SETDB1: variants seen among roughly 807,000 people sequenced by gnomAD.
SETDB1 encodes the protein histone-lysine N-methyltransferase SETDB1.
SETDB1 carries 31 observed loss-of-function variants against 137.4 expected under a neutral mutation model. That is an observed-to-expected ratio of 0.23 (90% CI 0.17 to 0.30). The LOEUF is 0.30. Ranked by LOEUF, SETDB1 falls within the 10% of genes least tolerant of loss-of-function variation. The pLI is 1.00. For synonymous variants in SETDB1, 548 were observed against 579.9 expected, an observed-to-expected ratio of 0.95 and a Z score of 0.79; for missense variants, 1,113 against 1,631.5, an observed-to-expected ratio of 0.68 and a Z score of 5.47.
Position 150,960,971 on chromosome 1 carries a change from C to A in SETDB1, c.2912C>A (p.Pro971Gln). Residue 971 changes from proline (P) to glutamine (Q), a missense_variant, in exon 16 of 22, where the codon CCA (proline) becomes CAA (glutamine). Pro to Gln is a moderately conservative substitution (Grantham distance 76). Around this residue, in one of 11 missense-constraint regions of SETDB1, gnomAD observed 373 missense variants for 412.7 expected, o/e 0.90. Coordinates refer to ENST00000692827, the MANE Select transcript of SETDB1 (RefSeq NM_001366418.1). The part of the protein sequence containing the change: ...PPSIPVGGCN[P>Q]PSSEETPKNK... Reference sequence around the variant, plus strand: ...TCAATCCCTGTAGGTGGCTGCAATCCACCTTCCTCCGAAGAGACACCCAAG... The same window carrying A: ...TCAATCCCTGTAGGTGGCTGCAATCAACCTTCCTCCGAAGAGACACCCAAG... The A allele has an allele frequency of 6.2e-7, 1 of 1,613,968 alleles. No homozygotes were observed. The highest frequency in any genetic ancestry group is 1.1e-5 in the South Asian group (1 of 91,072).
chr1:150,933,854 G>C (rs1358355307), intron 3 of SETDB1, among the ~76,000 whole-genome samples: 1 of 128,532 alleles, frequency 7.8e-6, no homozygotes, highest in Non-Finnish European at 1.5e-5. Flanking sequence ...CAGGATCTCT[G>C]CTCACTGCAA....
At chr1:150,958,132 G>C (rs1367634647) in intron 14 of SETDB1, among the ~76,000 whole-genome samples, 1 of 149,454 alleles carries the variant, frequency 6.7e-6, no homozygotes, top group Non-Finnish European at 1.5e-5. Flanking sequence ...GTTGTGAGCT[G>C]AGATTGCGCC....
Position 150,962,578 on chromosome 1 carries a change from T to C in SETDB1, c.3162-9T>C. ...AACCTGTTGGCTTCATTCCTTCCCC[T>C]CCCATTAGAGTTACTGAAAGCTCTC... On this transcript the variant is annotated splice_polypyrimidine_tract_variant and intron_variant, in intron 17 of 21. Coordinates refer to ENST00000692827, the MANE Select transcript of SETDB1 (RefSeq NM_001366418.1). The C allele has an allele frequency of 6.2e-7, 1 of 1,613,720 alleles. No homozygotes were observed.
chr1:150,956,371 G>A (rs587706035), intron 14 of SETDB1, among the ~76,000 whole-genome samples: 1 of 147,202 alleles, frequency 6.8e-6, no homozygotes, highest in South Asian at 2.2e-4. Context: ...AGGCAATAGA[G>A]TGAGACTCCG....
chr1:150,930,145 G>A (rs747997176), intron 3 of SETDB1, 27 bp downstream of exon 3: 2 of 1,588,390 alleles, frequency 1.3e-6, no homozygotes. Context: ...GGATAGGAGA[G>A]TCTCAGGACT....
intron 2 of SETDB1, among the ~76,000 whole-genome samples, chr1:150,929,601 C>T (rs1462272316): frequency 6.6e-6 from 1 of 151,812 alleles, no homozygotes; most frequent in Non-Finnish European, 1.5e-5. Flanking sequence ...CTGGGGAGGT[C>T]AAATTCCTGA....
intron 3 of SETDB1, among the ~76,000 whole-genome samples, chr1:150,937,470 T>G (rs918513461): frequency 6.6e-6 from 1 of 152,096 alleles, no homozygotes; most frequent in East Asian, 1.9e-4. Flanking sequence ...TAAAAATGAT[T>G]AGAGTCAGGT....
chr1:150,930,852 C>G (rs1183538334), intron 3 of SETDB1, among the ~76,000 whole-genome samples: 1 of 151,986 alleles, frequency 6.6e-6, no homozygotes, highest in East Asian at 1.9e-4. Flanking sequence ...TTAGGTTTTT[C>G]TAAAACTAAT....
chr1:150,932,237 A>ATTT (rs1320593999), intron 3 of SETDB1, among the ~76,000 whole-genome samples: 22 of 146,352 alleles, frequency 1.5e-4, no homozygotes, highest in Non-Finnish European at 2.9e-4. Flanking sequence ...TTTTTTTTTA[A>ATTT]AAAAAAAGAA....
chr1:150,931,153 G>A (rs1669722641), intron 3 of SETDB1, among the ~76,000 whole-genome samples: 1 of 151,540 alleles, frequency 6.6e-6, no homozygotes, highest in Non-Finnish European at 1.5e-5. Flanking sequence ...CCAGCTACTT[G>A]GGAGGCTGAG....
At chr1:150,959,492 A>C (rs1670753372) in intron 15 of SETDB1, 145 bp downstream of exon 15, 4 of 667,842 alleles carry the variant, frequency 6.0e-6, no homozygotes, top group Admixed American at 5.9e-5. Context: ...GAACGTGATG[A>C]GTGATGTACC....
In SETDB1 at chr1:150,948,363, C is replaced by T. The variant is rs1408631153; in HGVS notation, c.1268-759C>T. ...TCAGCTCACTGCAACCTCCGCCTCC[C>T]GGGTTCCAGCAATTCTCCTGCCTCA... On this transcript the variant is annotated intron_variant, in intron 10 of 21. Coordinates refer to ENST00000692827, the MANE Select transcript of SETDB1 (RefSeq NM_001366418.1). 9.3e-5 allele frequency among the ~76,000 whole-genome samples: 14 copies of T among 150,658 alleles called. No individual in the cohort carries two copies. The South Asian group carries it at 1.1e-3, about 11-fold the overall frequency.
At chr1:150,942,032 C>T (rs897243718) in intron 5 of SETDB1, among the ~76,000 whole-genome samples, 3 of 151,626 alleles carry the variant, frequency 2.0e-5, no homozygotes, top group Non-Finnish European at 4.4e-5. Context: ...CTCAGCTACT[C>T]AGGAGCCCGA....
At chr1:150,940,606 G>A (rs908910138) in intron 4 of SETDB1, among the ~76,000 whole-genome samples, 6 of 151,326 alleles carry the variant, frequency 4.0e-5, no homozygotes, top group East Asian at 1.9e-4. Flanking sequence ...GGTGGCTTAC[G>A]CCTGTAATCC....
chr1:150,934,966 T>C (rs895658258), intron 3 of SETDB1, among the ~76,000 whole-genome samples: 4 of 152,022 alleles, frequency 2.6e-5, no homozygotes, highest in Non-Finnish European at 5.9e-5. Flanking sequence ...GGACTACAGG[T>C]GTGCACCACC....
intron 16 of SETDB1, chr1:150,961,905 G>A (rs1284321193): frequency 3.2e-6 from 2 of 626,472 alleles, no homozygotes; most frequent in Non-Finnish European, 5.8e-6. Context: ...CCTGCTCGTG[G>A]TGTTTTCCAT....
chr1:150,941,983 T>TA lies in SETDB1; in HGVS notation c.547+556dup, dbSNP rs587746530. Among the ~76,000 whole-genome samples the TA allele has an allele frequency of 7.3e-5, 11 of 150,440 alleles. No individual in the cohort carries two copies. The South Asian group carries it at 2.3e-3, about 32-fold the overall frequency. On this transcript the variant is annotated intron_variant, in intron 5 of 21. Transcript: ENST00000692827. The stretch of plus-strand genomic sequence containing the variant: ...GGTGAAACTCTGTCTCTATTAAAAA[T>TA]ACAAAAATTAGCCAGGCGTGGTGGC...
intron 16 of SETDB1, 135 bp from the exon 17 acceptor site, chr1:150,961,995 T>C: frequency 1.0e-6 from 1 of 976,752 alleles, no homozygotes; most frequent in Non-Finnish European, 1.6e-6. Context: ...AGTTGCAGAG[T>C]GGTTTACCCA....
chr1:150,962,049 T>G, intron 16 of SETDB1, 81 bp from the exon 17 acceptor site: 3 of 1,515,766 alleles, frequency 2.0e-6, no homozygotes, highest in African/African-American at 1.4e-5. Flanking sequence ...ATGTTATCTG[T>G]GGAGGTCATT....
Sources: gnomAD v4.1 joint callset for allele counts (sites outside exome capture counted in the v4.1 genomes callset) on GRCh38, gnomAD v4.1.1 for gene constraint, gnomAD v4.1.1 regional missense constraint, MANE v1.5 for transcripts, NCBI Gene and HGNC (gene_info 2026-07-23, HGNC 2026-07-21) for gene names.